The following DYRK1A variants were observed in gnomAD, a reference collection of about 807,000 sequenced individuals.
DYRK1A encodes the protein dual specificity tyrosine phosphorylation regulated kinase 1A, also known as dual specificity tyrosine-phosphorylation-regulated kinase 1A.
DYRK1A carries 9 observed loss-of-function variants against 79.7 expected under a neutral mutation model. The ratio of observed to expected loss-of-function variants is 0.11; its 90% CI spans 0.07 to 0.20. DYRK1A has a LOEUF of 0.20. DYRK1A is among the 10% of genes least tolerant of loss of function. The pLI is 1.00. For synonymous variants in DYRK1A, 349 were observed against 329.7 expected, an observed-to-expected ratio of 1.06 and a Z score of -0.63; for missense variants, 622 against 956.0, an observed-to-expected ratio of 0.65 and a Z score of 4.61.
chr21:37,500,173 TCTTTTTTG>T (rs2053398609), intron 9 of DYRK1A, among the ~76,000 whole-genome samples: 1 of 152,198 alleles, frequency 6.6e-6, no homozygotes, highest in South Asian at 2.1e-4. Flanking sequence ...CAACTGTATG[TCTTTTTTG>T]CTTTTTTAAT....
At chr21:37,413,801 CATAAA>C (rs1288922804) in intron 1 of DYRK1A, among the ~76,000 whole-genome samples, 2 of 152,036 alleles carry the variant, frequency 1.3e-5, no homozygotes, top group African/African-American at 2.4e-5. Flanking sequence ...GTGTAGGTGA[CATAAA>C]AGAACATCCT....
In DYRK1A at chr21:37,377,412, C is replaced by G. The variant is rs544551708; in HGVS notation, c.-77+9784C>G. On this transcript the variant is annotated intron_variant, in intron 1 of 11. Transcript: ENST00000647188. ...GGGATTACAGGCTTGAGCCACCGTG[C>G]CCCGCATTTTTTTTTACTTGACCTA... Among the ~76,000 whole-genome samples the G allele has an allele frequency of 3.9e-5, 6 of 152,254 alleles. No individual in the cohort carries two copies. In the South Asian group the frequency reaches 1.2e-3, roughly 32 times the overall value.
intron 2 of DYRK1A, chr21:37,456,071 T>C (rs1323652050): frequency 6.6e-6 from 1 of 152,276 alleles, no homozygotes; most frequent in Non-Finnish European, 1.5e-5. Flanking sequence ...TGCCATTCTG[T>C]TGACCCAGCC....
In DYRK1A at chr21:37,524,366, A is replaced by G. The variant is rs2053954877; in HGVS notation, c.*11835A>G. ...AGAAAGCAATGGTCAGAAAAATTAG[A>G]AAATTTAAAATTGAATATCTCATCA... On this transcript the variant is annotated 3_prime_UTR_variant, in exon 12 of 12. Coordinates refer to ENST00000647188, the MANE Select transcript of DYRK1A (RefSeq NM_001347721.2). The G allele has an allele frequency of 1.3e-5, 2 of 152,384 alleles. No individual in the cohort carries two copies. The highest frequency in any genetic ancestry group is 3.4e-3 in the Middle Eastern group (1 of 294). The allele number at this position is 152,384 out of a possible 1,614,324, so 9.4% of individuals were successfully genotyped here.
chr21:37,407,494 A>G (rs987189617), intron 1 of DYRK1A, among the ~76,000 whole-genome samples: 2 of 152,176 alleles, frequency 1.3e-5, no homozygotes, highest in African/African-American at 4.8e-5. Flanking sequence ...TGGCAGTTGA[A>G]TATTATGTTA....
intron 2 of DYRK1A, among the ~76,000 whole-genome samples, chr21:37,452,763 T>G (rs1403508617): frequency 6.7e-5 from 10 of 150,176 alleles, no homozygotes; most frequent in Non-Finnish European, 1.3e-4. Context: ...TCCCGTTTTT[T>G]TTTTTTTTTT....
At chr21:37,449,821 AAGTCT>A (rs1450415341) in intron 2 of DYRK1A, among the ~76,000 whole-genome samples, 1 of 152,116 alleles carries the variant, frequency 6.6e-6, no homozygotes, top group Non-Finnish European at 1.5e-5. Flanking sequence ...ATTTACTTTC[AAGTCT>A]AGTCAAGTCA....
chr21:37,467,924 C>T (rs760042881), intron 2 of DYRK1A, among the ~76,000 whole-genome samples: 1 of 152,098 alleles, frequency 6.6e-6, no homozygotes, highest in Non-Finnish European at 1.5e-5. Flanking sequence ...TGTTCAGATG[C>T]TCACTAGCCA....
chr21:37,424,385 A>G (rs1447743677), intron 2 of DYRK1A, among the ~76,000 whole-genome samples: 2 of 152,218 alleles, frequency 1.3e-5, no homozygotes, highest in East Asian at 3.8e-4. Context: ...ATAAATATAT[A>G]TAGATAAGTA....
At chr21:37,417,336 A>T (rs2050362754) in intron 1 of DYRK1A, among the ~76,000 whole-genome samples, 1 of 151,586 alleles carries the variant, frequency 6.6e-6, no homozygotes, top group Non-Finnish European at 1.5e-5. Context: ...GATTACAGGG[A>T]TGCGCCACCA....
intron 1 of DYRK1A, among the ~76,000 whole-genome samples, chr21:37,418,558 A>G (rs1248841556): frequency 1.3e-5 from 2 of 152,170 alleles, no homozygotes; most frequent in Non-Finnish European, 2.9e-5. Flanking sequence ...TTGAGAGCCT[A>G]AAGGATTTGA....
rs1045819960 is a variant in DYRK1A at position 37,508,670 on chromosome 21, C to T, written c.1644+2447C>T. Among the ~76,000 whole-genome samples the T allele has an allele frequency of 2.0e-5, 3 of 152,266 alleles. No individual in the cohort carries two copies. In the South Asian group the frequency reaches 6.2e-4, roughly 32 times the overall value. ...CTTATTATCAAGGCGTCGGTGCTTT[C>T]CAGGATCTGGTCCCCACCGAGGCCA... On this transcript the variant is annotated intron_variant, in intron 11 of 11. Coordinates refer to ENST00000647188, the MANE Select transcript of DYRK1A (RefSeq NM_001347721.2).
intron 1 of DYRK1A, among the ~76,000 whole-genome samples, chr21:37,407,245 T>C (rs1019352254): frequency 6.6e-6 from 1 of 152,206 alleles, no homozygotes; most frequent in Non-Finnish European, 1.5e-5. Context: ...TTATGTTTTA[T>C]ATACTGTAGA....
At chr21:37,510,655 C>T (rs1286898302) in intron 11 of DYRK1A, among the ~76,000 whole-genome samples, 2 of 152,118 alleles carry the variant, frequency 1.3e-5, no homozygotes, top group East Asian at 3.9e-4. Flanking sequence ...GTGCAACAGT[C>T]CAGAATAGGT....
chr21:37,446,654 C>A (rs916872712), intron 2 of DYRK1A, among the ~76,000 whole-genome samples: 6 of 151,770 alleles, frequency 4.0e-5, no homozygotes, highest in African/African-American at 1.5e-4. Context: ...TCACGTGAAC[C>A]TCACAGAGAT....
chr21:37,488,659 G>A, intron 6 of DYRK1A: 12 of 985,374 alleles, frequency 1.2e-5, no homozygotes, highest in Non-Finnish European at 1.3e-5. Flanking sequence ...TCAGCACACT[G>A]TAGATACTAA....
chr21:37,395,747 TTTAATGGATTAAAAAGAAAA>T (rs1435810434), intron 1 of DYRK1A, among the ~76,000 whole-genome samples: 1 of 152,196 alleles, frequency 6.6e-6, no homozygotes, highest in Non-Finnish European at 1.5e-5. Context: ...TTTACTTACA[TTTAATGGATTAAAAAGAAAA>T]ACATTCTAGA....
In DYRK1A at chr21:37,522,907, T is replaced by TGCAGCA. The variant is rs897308353; in HGVS notation, c.*10385_*10390dup. ...TTCCCCACTGCTGGTTCAGGCTGTC[T>TGCAGCA]GCAGCAGCAGCAGCTCCAGGGTGCT... On this transcript the variant is annotated 3_prime_UTR_variant, in exon 12 of 12. Coordinates refer to ENST00000647188, the MANE Select transcript of DYRK1A (RefSeq NM_001347721.2). The TGCAGCA allele has an allele frequency of 6.6e-6, 1 of 152,350 alleles. No individual in the cohort carries two copies. The highest frequency in any genetic ancestry group is 1.5e-5 in the Non-Finnish European group (1 of 68,122). 9.4% of individuals were successfully genotyped at this position (152,350 alleles called of 1,614,324 possible).
At chr21:37,384,252 C>G (rs1265384879) in intron 1 of DYRK1A, among the ~76,000 whole-genome samples, 2 of 152,174 alleles carry the variant, frequency 1.3e-5, no homozygotes, top group African/African-American at 4.8e-5. Context: ...TCTTATACAT[C>G]TACTTAGTGG....
Sources: allele counts gnomAD v4.1 joint callset (sites outside exome capture counted in the v4.1 genomes callset), GRCh38; gene constraint gnomAD v4.1.1; transcripts MANE v1.5; gene names NCBI Gene and HGNC (gene_info 2026-07-23, HGNC 2026-07-21).